FMN1: variants seen among roughly 807,000 people sequenced by gnomAD.
FMN1 encodes formin 1.
A neutral mutation model predicts 132.4 loss-of-function variants in FMN1; 110 were observed. The observed-to-expected ratio is 0.83, with a 90% CI of 0.71 to 0.97. FMN1 has a LOEUF of 0.97. Ranked by LOEUF, FMN1 falls within the 50% of genes least tolerant of loss-of-function variation. FMN1 has a pLI of 0.00. For missense variants in FMN1, 1,792 were observed against 1,705.3 expected (o/e 1.05, Z -0.90); for synonymous variants, 722 against 651.7 (o/e 1.11, Z -1.64).
chr15:33,171,095 G>C (rs1240408951), intron 3 of FMN1, among the ~76,000 whole-genome samples: 1 of 152,096 alleles, frequency 6.6e-6, no homozygotes, highest in Non-Finnish European at 1.5e-5. Context: ...TAGAACTGGA[G>C]GTCATTAAAT....
At chr15:32,817,956 C>G (rs952638637) in intron 17 of FMN1, among the ~76,000 whole-genome samples, 1 of 152,128 alleles carries the variant, frequency 6.6e-6, no homozygotes, top group Non-Finnish European at 1.5e-5. Context: ...TTTTTCCCTG[C>G]TTTTTATCAA....
rs28414020 is a variant in FMN1, at chr15:32,772,260, C to T, written c.*2050G>A. 0.57 allele frequency: 85,844 copies of T among 151,766 alleles called. 24,674 individuals carry two copies. Among genetic ancestry groups the T allele is most frequent in the East Asian group, 0.77 (3,943 of 5,148 alleles). 9.4% of individuals were successfully genotyped at this position (151,766 alleles called of 1,614,324 possible). A position where few individuals can be genotyped will look rare whatever the true frequency, so the allele number is the denominator to read the frequency against. ...TCACTGATTTCTCGTAAGCATCCTA[C>T]TTACAGACCAAAGTGGACTGCAATG... On this transcript the variant is annotated 3_prime_UTR_variant, in exon 21 of 21. Coordinates refer to ENST00000616417, the MANE Select transcript of FMN1 (RefSeq NM_001277313.2).
chr15:33,010,362 G>A (rs1446459272), intron 6 of FMN1, among the ~76,000 whole-genome samples: 2 of 151,976 alleles, frequency 1.3e-5, no homozygotes, highest in African/African-American at 4.8e-5. Context: ...GGAATTTTAG[G>A]GATAATGATA....
intron 17 of FMN1, among the ~76,000 whole-genome samples, chr15:32,845,159 C>A (rs529585257): frequency 2.0e-5 from 3 of 152,316 alleles, no homozygotes; most frequent in Non-Finnish European, 4.4e-5. Flanking sequence ...CATCTTTGAT[C>A]AATCACTGAT....
intron 17 of FMN1, among the ~76,000 whole-genome samples, chr15:32,823,061 CAT>C (rs2058262634): frequency 6.6e-6 from 1 of 151,326 alleles, no homozygotes; most frequent in South Asian, 2.1e-4. Flanking sequence ...GGTACTCACT[CAT>C]ATCCTGAGCT....
At chr15:33,075,298 A>T (rs1316976800) in intron 5 of FMN1, among the ~76,000 whole-genome samples, 2 of 152,148 alleles carry the variant, frequency 1.3e-5, no homozygotes, top group Non-Finnish European at 2.9e-5. Flanking sequence ...ACCATCATCT[A>T]ACAGATGTTT....
chr15:33,066,640 C>G lies in FMN1; in HGVS notation c.2044-1566G>C, dbSNP rs369644451. On this transcript the variant is annotated intron_variant, in intron 5 of 20. Coordinates refer to ENST00000616417, the MANE Select transcript of FMN1 (RefSeq NM_001277313.2). The stretch of plus-strand genomic sequence containing the variant: ...GCTCAGAGGTGTCAGCTGTGGTCCC[C>G]TTTCTGGGGGGCCGGATGAATAGGG... 7.4e-5 allele frequency: 120 copies of G among 1,613,754 alleles called. No homozygotes were observed. The highest frequency in any genetic ancestry group is 9.7e-5 in the Non-Finnish European group (115 of 1,179,878).
chr15:33,055,971 A>G (rs1411752817), intron 6 of FMN1, among the ~76,000 whole-genome samples: 1 of 152,232 alleles, frequency 6.6e-6, no homozygotes, highest in Non-Finnish European at 1.5e-5. Flanking sequence ...ATGGCCATGA[A>G]AAAGTGCTCA....
chr15:32,851,161 T>A (rs2059000602), intron 17 of FMN1, among the ~76,000 whole-genome samples: 1 of 152,208 alleles, frequency 6.6e-6, no homozygotes, highest in Non-Finnish European at 1.5e-5. Context: ...CTAGAATGGT[T>A]CATGCAGAAT....
intron 9 of FMN1, among the ~76,000 whole-genome samples, chr15:32,933,405 T>C (rs917752520): frequency 1.6e-4 from 24 of 152,232 alleles, no homozygotes; most frequent in Admixed American, 1.0e-3. Context: ...GTGTGACTTA[T>C]CCTGGAGAAT....
At chr15:33,068,258 T>C in intron 5 of FMN1, 1 of 184,862 alleles carries the variant, frequency 5.4e-6, no homozygotes, top group South Asian at 1.2e-4. Flanking sequence ...ACCCAGGACT[T>C]CACGAGGAGC....
chr15:33,111,790 T>G (rs750125862), intron 4 of FMN1, among the ~76,000 whole-genome samples: 5 of 152,034 alleles, frequency 3.3e-5, no homozygotes, highest in Non-Finnish European at 7.4e-5. Context: ...TGGACGGGGT[T>G]GTGGGAAAAT....
At chr15:33,013,037 G>A in intron 6 of FMN1, 1 of 409,306 alleles carries the variant, frequency 2.4e-6, no homozygotes, top group Non-Finnish European at 4.7e-6. Context: ...TATAGGGGTA[G>A]CACTAGCTAT....
intron 17 of FMN1, among the ~76,000 whole-genome samples, chr15:32,855,357 TTTAC>T (rs2059107911): frequency 6.6e-6 from 1 of 151,996 alleles, no homozygotes; most frequent in Non-Finnish European, 1.5e-5. Flanking sequence ...TGGCCATACC[TTTAC>T]TTCCCTGTCA....
chr15:32,795,489 T>C (rs1398409189), intron 19 of FMN1, among the ~76,000 whole-genome samples: 1 of 152,128 alleles, frequency 6.6e-6, no homozygotes, highest in African/African-American at 2.4e-5. Flanking sequence ...ATAGTCACCA[T>C]TTAATTCCTG....
chr15:32,774,180 C>A lies in FMN1; in HGVS notation c.*130G>T. On this transcript the variant is annotated 3_prime_UTR_variant, in exon 21 of 21. Coordinates refer to ENST00000616417, the MANE Select transcript of FMN1 (RefSeq NM_001277313.2). Reference sequence around the variant, plus strand: ...ATGGGGCACTCTCTGCAGATGACCTCAGAAAGAGATGAGCAAAAACAAACA... The same window carrying A: ...ATGGGGCACTCTCTGCAGATGACCTAAGAAAGAGATGAGCAAAAACAAACA... 1 of 750,710 alleles carries A rather than the reference C, an allele frequency of 1.3e-6. No individual in the cohort carries two copies. 46.5% of individuals were successfully genotyped at this position (750,710 alleles called of 1,614,324 possible).
At chr15:32,983,896 G>A (rs2140795375) in intron 7 of FMN1, among the ~76,000 whole-genome samples, 1 of 152,262 alleles carries the variant, frequency 6.6e-6, no homozygotes, top group Middle Eastern at 3.4e-3. Context: ...CCTCTAAGAT[G>A]GTACTGCCAC....
In FMN1 at chr15:33,158,061, G is replaced by T. The variant is rs565636639; in HGVS notation, c.-131-3016C>A. On this transcript the variant is annotated intron_variant, in intron 3 of 20. Transcript: ENST00000616417. ...CTCATTGGAGAGCTTCAACATGTCT[G>T]ATCAGGTAAAGTGCTGCTCCCTAAG... 2.0e-5 allele frequency among the ~76,000 whole-genome samples: 3 copies of T among 151,738 alleles called. No individual in the cohort carries two copies. In the South Asian group the frequency reaches 6.2e-4, roughly 32 times the overall value.
At chr15:33,042,240 T>C (rs1027894008) in intron 6 of FMN1, among the ~76,000 whole-genome samples, 4 of 152,190 alleles carry the variant, frequency 2.6e-5, no homozygotes, top group African/African-American at 9.6e-5. Flanking sequence ...ACAAGTTTAC[T>C]GAAGGTCATA....
Sources: gnomAD v4.1 joint callset for allele counts (sites outside exome capture counted in the v4.1 genomes callset) on GRCh38, gnomAD v4.1.1 for gene constraint, MANE v1.5 for transcripts, NCBI Gene and HGNC (gene_info 2026-07-23, HGNC 2026-07-21) for gene names.